Variants in STXBP5L observed in about 807,000 individuals in gnomAD.
The protein encoded by STXBP5L is syntaxin-binding protein 5-like.
Under a neutral mutation model 144.5 loss-of-function variants are expected in STXBP5L, and 65 were observed. The observed-to-expected ratio is 0.45, with a 90% CI of 0.37 to 0.55. STXBP5L has a LOEUF of 0.55. Ranked by LOEUF, STXBP5L falls within the 20% of genes least tolerant of loss-of-function variation. The pLI is 0.00. For missense variants in STXBP5L, 1,298 were observed against 1,405.5 expected, an observed-to-expected ratio of 0.92 and a Z score of 1.22; for synonymous variants, 505 against 469.6, an observed-to-expected ratio of 1.08 and a Z score of -0.97.
intron 2 of STXBP5L, among the ~76,000 whole-genome samples, chr3:120,933,564 G>C (rs1016929030): frequency 6.6e-6 from 1 of 152,108 alleles, no homozygotes; most frequent in Non-Finnish European, 1.5e-5. Flanking sequence ...TAATAAGATA[G>C]CCAGACTGTT....
rs536917571 is a variant in STXBP5L at position 121,003,435 on chromosome 3, G to C, written c.288-38265G>C. On this transcript the variant is annotated intron_variant, in intron 3 of 26. Transcript: ENST00000471454. Reference sequence around the variant, plus strand: ...TCTTGTAATTTTGTTTGAGTTCATTGTAGATTCTGGATATTAGCCCTTTGT... The same window carrying C: ...TCTTGTAATTTTGTTTGAGTTCATTCTAGATTCTGGATATTAGCCCTTTGT... 1.4e-3 allele frequency among the ~76,000 whole-genome samples: 207 copies of C among 152,302 alleles called. 2 individuals are homozygous for C. The highest frequency in any genetic ancestry group is 1.2e-3 in the South Asian group (6 of 4,826).
chr3:121,253,071 CT>C (rs982294225), intron 15 of STXBP5L, among the ~76,000 whole-genome samples: 13 of 152,088 alleles, frequency 8.5e-5, no homozygotes, highest in Non-Finnish European at 1.9e-4. Context: ...TCAAAGTCAA[CT>C]AATTAGGGAC....
chr3:120,993,986 G>A (rs774830205), intron 3 of STXBP5L, among the ~76,000 whole-genome samples: 70 of 151,900 alleles, frequency 4.6e-4, no homozygotes, highest in Non-Finnish European at 8.5e-4. Context: ...TCAGTGTTTT[G>A]TAGTTTTCCT....
Position 120,950,170 on chromosome 3 carries a change from C to T in STXBP5L, c.190-4770C>T, listed in dbSNP as rs187536960. 5.0e-4 allele frequency among the ~76,000 whole-genome samples: 76 copies of T among 151,966 alleles called. 1 individual carries two copies. The highest frequency in any genetic ancestry group is 1.5e-3 in the African/African-American group (64 of 41,516). On this transcript the variant is annotated intron_variant, in intron 2 of 26. Coordinates refer to ENST00000471454, the MANE Select transcript of STXBP5L (RefSeq NM_001308330.2). The stretch of plus-strand genomic sequence containing the variant: ...GCTTTGACTTTTATATTTAAACGTA[C>T]GATCCATTTTGAGTTAATTTTTGTG...
intron 5 of STXBP5L, among the ~76,000 whole-genome samples, chr3:121,078,457 C>A (rs1314565888): frequency 2.6e-5 from 4 of 152,252 alleles, no homozygotes; most frequent in African/African-American, 4.8e-5. Context: ...CTGAGGAGCC[C>A]CGCTGTCGTC....
chr3:120,939,535 A>G (rs763644119), intron 2 of STXBP5L, among the ~76,000 whole-genome samples: 4 of 152,184 alleles, frequency 2.6e-5, no homozygotes, highest in Non-Finnish European at 4.4e-5. Flanking sequence ...CCTAAAAGCT[A>G]TTCATATTTA....
At chr3:121,349,875 T>C (rs1328339482) in intron 20 of STXBP5L, among the ~76,000 whole-genome samples, 2 of 152,142 alleles carry the variant, frequency 1.3e-5, no homozygotes, top group Non-Finnish European at 2.9e-5. Flanking sequence ...ATGGGTTTCC[T>C]GAATACAGCA....
intron 20 of STXBP5L, among the ~76,000 whole-genome samples, chr3:121,325,013 T>C (rs1453674133): frequency 6.6e-6 from 1 of 152,036 alleles, no homozygotes; most frequent in Non-Finnish European, 1.5e-5. Flanking sequence ...GAAACAACTA[T>C]GATTGCCTCA....
Position 121,422,768 on chromosome 3 carries a change from A to C in STXBP5L, c.*3671A>C, listed in dbSNP as rs1348318011. 1 of 152,188 alleles carries C rather than the reference A, an allele frequency of 6.6e-6. No homozygotes were observed. Among genetic ancestry groups the C allele is most frequent in the Non-Finnish European group, 1.5e-5 (1 of 68,030 alleles). 9.4% of individuals were successfully genotyped at this position (152,188 alleles called of 1,614,324 possible). A position where few individuals can be genotyped will look rare whatever the true frequency, so the allele number is the denominator to read the frequency against. On this transcript the variant is annotated 3_prime_UTR_variant, in exon 27 of 27. Coordinates refer to ENST00000471454, the MANE Select transcript of STXBP5L (RefSeq NM_001308330.2). ...TTGAAAGTGATTCTCAAATAAATAA[A>C]TCAAAATCCAACTCCTTTCCCTCAA...
chr3:121,314,592 AG>A (rs1405326921), intron 19 of STXBP5L, among the ~76,000 whole-genome samples: 6 of 98,606 alleles, frequency 6.1e-5, no homozygotes, highest in African/African-American at 2.1e-4. Context: ...GTGGAGGGAG[AG>A]GGAGAGGGAG....
At chr3:121,175,230 C>A (rs1372920056) in intron 9 of STXBP5L, among the ~76,000 whole-genome samples, 1 of 152,064 alleles carries the variant, frequency 6.6e-6, no homozygotes, top group African/African-American at 2.4e-5. Context: ...TGGCAAATAG[C>A]CCATGCCCTA....
At chr3:121,085,014 T>C (rs1193910271) in intron 5 of STXBP5L, among the ~76,000 whole-genome samples, 2 of 124,296 alleles carry the variant, frequency 1.6e-5, no homozygotes, top group African/African-American at 7.1e-5. Flanking sequence ...TGTATGTCTT[T>C]TTTTGAGAAG....
At chr3:121,293,552 A>T (rs1340200240) in intron 19 of STXBP5L, among the ~76,000 whole-genome samples, 2 of 152,202 alleles carry the variant, frequency 1.3e-5, no homozygotes, top group Non-Finnish European at 2.9e-5. Context: ...TTCCAAGCAG[A>T]GTGAACAGCT....
chr3:121,061,282 T>C (rs1417769358), intron 5 of STXBP5L, among the ~76,000 whole-genome samples: 6 of 152,206 alleles, frequency 3.9e-5, no homozygotes, highest in Admixed American at 2.6e-4. Flanking sequence ...TTGTGTGGTT[T>C]TGAGTGAGTT....
At chr3:121,245,822 G>A (rs2049832139) in intron 14 of STXBP5L, among the ~76,000 whole-genome samples, 2 of 152,000 alleles carry the variant, frequency 1.3e-5, no homozygotes, top group South Asian at 4.1e-4. Flanking sequence ...GAAACAAACA[G>A]AATAACACAA....
intron 10 of STXBP5L, 123 bp from the exon 11 acceptor site, chr3:121,222,878 CAA>C (rs2049015004): frequency 1.2e-5 from 12 of 1,013,712 alleles, no homozygotes; most frequent in African/African-American, 3.4e-5. Flanking sequence ...TTGAGCCGGG[CAA>C]GTTTTTTGCT....
rs903891819 is a variant in STXBP5L, at chr3:121,246,805, G to A, written c.1401-3918G>A. 5.3e-5 allele frequency among the ~76,000 whole-genome samples: 8 copies of A among 152,040 alleles called. 1 individual carries two copies. Among genetic ancestry groups the A allele is most frequent in the South Asian group, 4.1e-4 (2 of 4,824 alleles). On this transcript the variant is annotated intron_variant, in intron 14 of 26. Transcript: ENST00000471454. ...GAAATATTATCCTCAAAAACATTAC[G>A]CTAAGTGCATAATGCAGACACAAAA...
Position 121,259,217 on chromosome 3 carries a change from TG to T in STXBP5L, c.1958+50del, listed in dbSNP as rs754482430. On this transcript the variant is annotated intron_variant, in intron 18 of 26. Coordinates refer to ENST00000471454, the MANE Select transcript of STXBP5L (RefSeq NM_001308330.2). ...ATATGTATTATTTAGCTAATATGTT[TG>T]ATTTTTTAGATGTTCCTTGCTTAAG... 7 of 1,370,428 alleles carry T rather than the reference TG, an allele frequency of 5.1e-6. No homozygotes were observed. In the South Asian group the frequency reaches 1.3e-4, roughly 25 times the overall value. The allele number at this position is 1,370,428 out of a possible 1,614,324, so 84.9% of individuals were successfully genotyped here.
intron 7 of STXBP5L, among the ~76,000 whole-genome samples, chr3:121,128,303 GTAAA>G (rs2044810812): frequency 6.6e-6 from 1 of 152,032 alleles, no homozygotes; most frequent in Non-Finnish European, 1.5e-5. Flanking sequence ...AAGCCATATA[GTAAA>G]TAAAGTAGAG....
Sources: gnomAD v4.1 joint callset for allele counts (sites outside exome capture counted in the v4.1 genomes callset) on GRCh38, gnomAD v4.1.1 for gene constraint, MANE v1.5 for transcripts, NCBI Gene and HGNC (gene_info 2026-07-23, HGNC 2026-07-21) for gene names.